Variants in PXDN observed in about 807,000 individuals in gnomAD.
The protein encoded by PXDN is peroxidasin homolog.
A neutral mutation model predicts 140.3 loss-of-function variants in PXDN; 77 were observed. That is an observed-to-expected ratio of 0.55 (90% CI 0.46 to 0.66). PXDN has a LOEUF of 0.66. Ranked by LOEUF, PXDN falls within the 30% of genes least tolerant of loss-of-function variation. PXDN has a pLI of 0.00. For missense variants in PXDN, 1,838 were observed against 2,039.5 expected, an observed-to-expected ratio of 0.90 and a Z score of 1.90; for synonymous variants, 911 against 857.4, an observed-to-expected ratio of 1.06 and a Z score of -1.09.
At chr2:1,671,606 T>C (rs80293651) in intron 9 of PXDN, among the ~76,000 whole-genome samples, 1,717 of 152,320 alleles carry the variant, frequency 0.011, 37 homozygotes, top group African/African-American at 0.039. Flanking sequence ...TGATCAAAAA[T>C]GTAATTCATC....
intron 1 of PXDN, among the ~76,000 whole-genome samples, chr2:1,744,013 C>T (rs1182801022): frequency 6.6e-6 from 1 of 152,138 alleles, no homozygotes; most frequent in Non-Finnish European, 1.5e-5. Flanking sequence ...AGGCCGCGCG[C>T]ACAGCGCTCT....
At chr2:1,737,696 G>A (rs925169094) in intron 1 of PXDN, among the ~76,000 whole-genome samples, 10 of 151,840 alleles carry the variant, frequency 6.6e-5, no homozygotes, top group Non-Finnish European at 1.3e-4. Context: ...GAGCCACCAC[G>A]CCCGGCTAAT....
intron 1 of PXDN, among the ~76,000 whole-genome samples, chr2:1,711,600 T>TCTCCACCAGCACCCG (rs1684786124): frequency 2.9e-5 from 1 of 34,608 alleles, no homozygotes; most frequent in Non-Finnish European, 5.7e-5. Flanking sequence ...CAGCACCCAC[T>TCTCCACCAGCACCCG]CTCCACCAGC....
rs550784477 is a variant in PXDN at position 1,716,440 on chromosome 2, G to GAAAAAAA, written c.201-23313_201-23307dup. Among the ~76,000 whole-genome samples the GAAAAAAA allele has an allele frequency of 1.7e-4, 10 of 58,228 alleles. 1 individual carries two copies. In the East Asian group the frequency reaches 5.1e-3, roughly 29 times the overall value. The allele number at this position is 58,228 out of a possible 152,430, so 38.2% of individuals were successfully genotyped here. A position where few individuals can be genotyped will look rare whatever the true frequency, so the allele number is the denominator to read the frequency against. ...GCAACAGAGTGAGACTCCATCTCAG[G>GAAAAAAA]AAAAAAAAAAAAAAAAAAAAAAAAA... On this transcript the variant is annotated intron_variant, in intron 1 of 22. Transcript: ENST00000252804.
intron 8 of PXDN, among the ~76,000 whole-genome samples, chr2:1,675,737 C>T (rs1445263576): frequency 6.7e-6 from 1 of 148,790 alleles, no homozygotes. Context: ...CCAAGCCCAG[C>T]CCGGTTTGCC....
intron 1 of PXDN, among the ~76,000 whole-genome samples, chr2:1,719,168 G>A (rs972139650): frequency 3.9e-5 from 6 of 152,198 alleles, no homozygotes; most frequent in African/African-American, 1.4e-4. Flanking sequence ...TCGGAAGGGG[G>A]CTTGCTCCAC....
rs1348940429 is a variant in PXDN, at chr2:1,648,392, C to T, written c.3388G>A (p.Val1130Met). The T allele has an allele frequency of 1.9e-6, 3 of 1,612,560 alleles. No homozygotes were observed. The highest frequency in any genetic ancestry group is 1.3e-5 in the African/African-American group (1 of 74,912). The change falls in exon 17 of 23, where the codon GTG becomes ATG. Residue 1130 changes from valine (V) to methionine (M), a missense_variant. Physicochemically the swap from Val to Met is conservative, Grantham distance 21 (BLOSUM62 1). Transcript: ENST00000252804. The surrounding 1 kb of genome is among the most constrained non-coding windows in gnomAD (Gnocchi z 8.9). ...GLFGVAGKMR[V>M]PSQLLNTELT... Reference sequence around the variant, plus strand: ...TCCGTGTTCAGCAGCTGCGAGGGCACACGCATTTTCCCCGCCACCCCGAAC... The same window carrying T: ...TCCGTGTTCAGCAGCTGCGAGGGCATACGCATTTTCCCCGCCACCCCGAAC...
At chr2:1,637,377 A>AGG (rs1682586659) in intron 21 of PXDN, among the ~76,000 whole-genome samples, 1 of 28,722 alleles carries the variant, frequency 3.5e-5, no homozygotes, top group Admixed American at 4.8e-4. Context: ...TAGGCTGCGG[A>AGG]GGGAGGAAGA....
At chr2:1,701,710 G>A (rs1297027513) in intron 1 of PXDN, among the ~76,000 whole-genome samples, 2 of 152,266 alleles carry the variant, frequency 1.3e-5, no homozygotes, top group East Asian at 1.9e-4. Context: ...CAGACTGAGC[G>A]TTCGCACCCC....
Position 1,664,115 on chromosome 2 carries a change from G to A in PXDN, c.1409-352C>T, listed in dbSNP as rs570412503. The A allele has an allele frequency of 1.4e-5, 3 of 219,262 alleles. No homozygotes were observed. The South Asian group carries it at 3.3e-4, about 24-fold the overall frequency. The allele number at this position is 219,262 out of a possible 1,614,324, so 13.6% of individuals were successfully genotyped here. A position where few individuals can be genotyped will look rare whatever the true frequency, so the allele number is the denominator to read the frequency against. On this transcript the variant is annotated intron_variant, in intron 11 of 22. Coordinates refer to ENST00000252804, the MANE Select transcript of PXDN (RefSeq NM_012293.3). ...TGCTGGAGATGACGAAGAGCCAAGC[G>A]AGGCCCCAGCAAGTTCCTTTCCGGG... is the stretch of plus-strand genomic sequence containing the variant.
Position 1,739,307 on chromosome 2 carries a change from C to A in PXDN, c.200+4949G>T, listed in dbSNP as rs560893936. On this transcript the variant is annotated intron_variant, in intron 1 of 22. Coordinates refer to ENST00000252804, the MANE Select transcript of PXDN (RefSeq NM_012293.3). ...AGCAACTAGGGAAACTGAGTCAGAA[C>A]AACAGAGAAGCAAGCCAAGTCACCC... Among the ~76,000 whole-genome samples the A allele has an allele frequency of 3.3e-5, 5 of 152,226 alleles. No individual in the cohort carries two copies. The East Asian group carries it at 9.7e-4, about 29-fold the overall frequency.
intron 1 of PXDN, among the ~76,000 whole-genome samples, chr2:1,700,182 C>T (rs1684390942): frequency 6.6e-6 from 1 of 152,190 alleles, no homozygotes; most frequent in Non-Finnish European, 1.5e-5. Flanking sequence ...CTGCCTCAGC[C>T]TCCCAAGTAG....
chr2:1,663,575 C>A (rs922357870), intron 12 of PXDN, 30 bp downstream of exon 12: 9 of 1,608,624 alleles, frequency 5.6e-6, no homozygotes, highest in Non-Finnish European at 7.7e-6. Context: ...CTGAGAAAAT[C>A]AATTCAGTCC....
intron 1 of PXDN, among the ~76,000 whole-genome samples, chr2:1,740,433 C>T (rs968181862): frequency 6.6e-6 from 1 of 152,140 alleles, no homozygotes; most frequent in Non-Finnish European, 1.5e-5. Flanking sequence ...AAGGCCCAAA[C>T]ACCCACTCCC....
intron 1 of PXDN, among the ~76,000 whole-genome samples, chr2:1,716,830 T>A (rs1684908039): frequency 6.6e-6 from 1 of 152,114 alleles, no homozygotes; most frequent in African/African-American, 2.4e-5. Context: ...TGGAAAATGA[T>A]GAAAGGAAGC....
At chr2:1,738,661 G>A (rs1039693266) in intron 1 of PXDN, among the ~76,000 whole-genome samples, 1 of 151,646 alleles carries the variant, frequency 6.6e-6, no homozygotes, top group Non-Finnish European at 1.5e-5. Context: ...CGATTCTCAT[G>A]CCTCAGCCTC....
At chr2:1,667,599 CAG>C (rs1683476089) in intron 9 of PXDN, among the ~76,000 whole-genome samples, 1 of 152,186 alleles carries the variant, frequency 6.6e-6, no homozygotes, top group Admixed American at 6.5e-5. Flanking sequence ...ACAACTTCAG[CAG>C]AGTCTCAGGG....
intron 7 of PXDN, among the ~76,000 whole-genome samples, chr2:1,677,921 C>T (rs1286673832): frequency 2.0e-5 from 3 of 152,220 alleles, no homozygotes; most frequent in Admixed American, 6.5e-5. Flanking sequence ...AGCACGGGTA[C>T]GAGTGTGTGT....
chr2:1,714,025 C>G lies in PXDN; in HGVS notation c.201-20891G>C, dbSNP rs754288248. Reference sequence around the variant, plus strand: ...TTTCATGTCACCCTGAAACATGGCCCAGCCTGGGCAACCTACGATAATATT... The same window carrying G: ...TTTCATGTCACCCTGAAACATGGCCGAGCCTGGGCAACCTACGATAATATT... On this transcript the variant is annotated intron_variant, in intron 1 of 22. Transcript: ENST00000252804. The surrounding 1 kb of genome is among the most constrained non-coding windows in gnomAD (Gnocchi z 4.3). 9.8e-5 allele frequency among the ~76,000 whole-genome samples: 15 copies of G among 152,334 alleles called. No individual in the cohort carries two copies. In the East Asian group the frequency reaches 1.9e-3, roughly 20 times the overall value.
Sources: allele counts gnomAD v4.1 joint callset (sites outside exome capture counted in the v4.1 genomes callset), GRCh38; gene constraint gnomAD v4.1.1; non-coding constraint Gnocchi (gnomAD v3.1); transcripts MANE v1.5; gene names NCBI Gene and HGNC (gene_info 2026-07-23, HGNC 2026-07-21).